COL24A1: variants seen among roughly 807,000 people sequenced by gnomAD.
The protein encoded by COL24A1 is collagen alpha-1(XXIV) chain.
COL24A1 carries 224 observed loss-of-function variants against 253.9 expected under a neutral mutation model. That is an observed-to-expected ratio of 0.88 (90% CI 0.79 to 0.99). The LOEUF is 0.99. COL24A1 is among the 50% of genes least tolerant of loss of function. COL24A1 has a pLI of 0.00. For missense variants in COL24A1, 2,131 were observed against 2,068.5 expected (o/e 1.03, Z -0.59); for synonymous variants, 685 against 673.7 (o/e 1.02, Z -0.26).
chr1:85,823,446 T>A, intron 45 of COL24A1, 90 bp downstream of exon 45: 1 of 1,214,830 alleles, frequency 8.2e-7, no homozygotes, highest in Admixed American at 1.8e-5. Flanking sequence ...AATGATAATT[T>A]GAATTACAAT....
At chr1:86,079,627 C>T (rs1183613897) in intron 7 of COL24A1, among the ~76,000 whole-genome samples, 6 of 151,916 alleles carry the variant, frequency 3.9e-5, no homozygotes, top group South Asian at 2.1e-4. Flanking sequence ...TAAAAATGGG[C>T]GAAAGATTTG....
intron 32 of COL24A1, among the ~76,000 whole-genome samples, chr1:85,887,305 G>C (rs1682625995): frequency 6.6e-6 from 1 of 151,172 alleles, no homozygotes. Flanking sequence ...AATAATAAAA[G>C]AGAGAATGGA....
intron 48 of COL24A1, among the ~76,000 whole-genome samples, 166 bp downstream of exon 48, chr1:85,786,188 T>C (rs1303670811): frequency 3.3e-5 from 5 of 152,178 alleles, no homozygotes. Flanking sequence ...TCATGGGAGA[T>C]GGATATGTCA....
rs564953184 is a variant in COL24A1, at chr1:86,118,963, T to A, written c.1492-3585A>T. ...AGAGGTAAGCAGGGGCCATATCACA[T>A]ACCTGCACAGGTCAGGATACAGAGT... On this transcript the variant is annotated intron_variant, in intron 3 of 59. Coordinates refer to ENST00000370571, the MANE Select transcript of COL24A1 (RefSeq NM_152890.7). Among the ~76,000 whole-genome samples the A allele has an allele frequency of 2.0e-5, 3 of 152,274 alleles. No homozygotes were observed. In the South Asian group the frequency reaches 6.2e-4, roughly 32 times the overall value.
rs199644555 is a variant in COL24A1, at chr1:85,928,690, G to A, written c.2563-17257C>T. 2.3e-4 allele frequency among the ~76,000 whole-genome samples: 14 copies of A among 60,864 alleles called. 6 individuals carry two copies. Among genetic ancestry groups the A allele is most frequent in the African/African-American group, 8.2e-4 (12 of 14,646 alleles). 39.9% of individuals were successfully genotyped at this position (60,864 alleles called of 152,430 possible). A position where few individuals can be genotyped will look rare whatever the true frequency, so the allele number is the denominator to read the frequency against. On this transcript the variant is annotated intron_variant, in intron 24 of 59. Coordinates refer to ENST00000370571, the MANE Select transcript of COL24A1 (RefSeq NM_152890.7). Reference sequence around the variant, plus strand: ...TTAAGGGCAGCCAGAGAGAAAGGTCGGGTTACCCACAAAGGGAAGCCCATC... The same window carrying A: ...TTAAGGGCAGCCAGAGAGAAAGGTCAGGTTACCCACAAAGGGAAGCCCATC...
chr1:86,083,082 G>C (rs1702777372), intron 7 of COL24A1, among the ~76,000 whole-genome samples: 1 of 152,000 alleles, frequency 6.6e-6, no homozygotes, highest in Non-Finnish European at 1.5e-5. Flanking sequence ...CGAATCATGA[G>C]GTCAGGAAAT....
chr1:85,921,234 T>C (rs1252948504), intron 24 of COL24A1, among the ~76,000 whole-genome samples: 1 of 152,178 alleles, frequency 6.6e-6, no homozygotes, highest in Admixed American at 6.5e-5. Flanking sequence ...CCTGCCCAAA[T>C]ACTGCAGTTT....
intron 56 of COL24A1, 67 bp from the exon 57 acceptor site, chr1:85,744,901 A>G: frequency 8.1e-7 from 1 of 1,238,282 alleles, no homozygotes. Flanking sequence ...CCAAGGCAGG[A>G]GAAGAATGTG....
chr1:85,741,505 C>T (rs539216600), intron 57 of COL24A1, among the ~76,000 whole-genome samples: 2 of 152,148 alleles, frequency 1.3e-5, no homozygotes, highest in African/African-American at 2.4e-5. Context: ...TATGAATGTT[C>T]GTTTTCTTCC....
chr1:86,090,454 T>G (rs1557580290), intron 6 of COL24A1, among the ~76,000 whole-genome samples: 1 of 152,210 alleles, frequency 6.6e-6, no homozygotes, highest in Non-Finnish European at 1.5e-5. Context: ...CAGATGTTAC[T>G]TAGTGGATGT....
chr1:86,089,893 G>T (rs943428019), intron 6 of COL24A1, among the ~76,000 whole-genome samples: 5 of 152,210 alleles, frequency 3.3e-5, no homozygotes, highest in South Asian at 4.1e-4. Flanking sequence ...TGAAACAGCT[G>T]TTGAGGTGTC....
At chr1:85,740,425 G>A (rs1282200339) in intron 57 of COL24A1, among the ~76,000 whole-genome samples, 3 of 152,050 alleles carry the variant, frequency 2.0e-5, no homozygotes, top group Non-Finnish European at 4.4e-5. Context: ...CTACCCACAT[G>A]TCTGTGCTTG....
At chr1:85,948,451 G>C (rs1689548068) in intron 24 of COL24A1, among the ~76,000 whole-genome samples, 1 of 148,178 alleles carries the variant, frequency 6.7e-6, no homozygotes, top group East Asian at 2.0e-4. Flanking sequence ...GTGAACCCGG[G>C]AGGCGGAGCT....
chr1:86,063,952 AAATT>A (rs1288478886), intron 7 of COL24A1, among the ~76,000 whole-genome samples, 193 bp from the exon 8 acceptor site: 3 of 151,910 alleles, frequency 2.0e-5, no homozygotes, highest in East Asian at 1.9e-4. Context: ...ATTAAATAAA[AAATT>A]AATTCTTATT....
At chr1:86,119,188 T>A (rs927740940) in intron 3 of COL24A1, among the ~76,000 whole-genome samples, 1 of 151,984 alleles carries the variant, frequency 6.6e-6, no homozygotes, top group Non-Finnish European at 1.5e-5. Context: ...TCATCTCCAG[T>A]GAAAAACGAA....
At chr1:86,122,571 A>C (rs1647536310) in intron 3 of COL24A1, among the ~76,000 whole-genome samples, 1 of 151,908 alleles carries the variant, frequency 6.6e-6, no homozygotes, top group African/African-American at 2.4e-5. Context: ...TTCTCTCCTA[A>C]AATTGACTTT....
intron 28 of COL24A1, among the ~76,000 whole-genome samples, chr1:85,897,787 G>C (rs1000140798): frequency 6.6e-6 from 1 of 152,134 alleles, no homozygotes; most frequent in Non-Finnish European, 1.5e-5. Flanking sequence ...GTGTTACAGT[G>C]ATTTATAATT....
chr1:86,015,883 C>CTTTTTTT (rs34005326), intron 19 of COL24A1, among the ~76,000 whole-genome samples: 4 of 136,204 alleles, frequency 2.9e-5, no homozygotes, highest in Admixed American at 1.5e-4. Flanking sequence ...TCTACTTTTT[C>CTTTTTTT]TTTTTTTTTT....
At chr1:85,844,689 G>T (rs1676980247) in intron 39 of COL24A1, among the ~76,000 whole-genome samples, 1 of 151,774 alleles carries the variant, frequency 6.6e-6, no homozygotes, top group South Asian at 2.1e-4. Flanking sequence ...TTAATTATAA[G>T]AAAATAGTCA....
Sources: gnomAD v4.1 joint callset for allele counts (sites outside exome capture counted in the v4.1 genomes callset) on GRCh38, gnomAD v4.1.1 for gene constraint, MANE v1.5 for transcripts, NCBI Gene and HGNC (gene_info 2026-07-23, HGNC 2026-07-21) for gene names.